LRRC4C: variants seen among roughly 807,000 people sequenced by gnomAD.
The protein encoded by LRRC4C is leucine rich repeat containing 4C, also known as leucine-rich repeat-containing protein 4C.
Under a neutral mutation model 33.6 loss-of-function variants are expected in LRRC4C, and 5 were observed. The ratio of observed to expected loss-of-function variants is 0.15; its 90% CI spans 0.08 to 0.31. LRRC4C has a LOEUF of 0.31. LRRC4C is among the 10% of genes least tolerant of loss of function. The pLI is 1.00. For synonymous variants in LRRC4C, 329 were observed against 302.0 expected (o/e 1.09, Z -0.93); for missense variants, 560 against 796.7 (o/e 0.70, Z 3.58).
chr11:40,401,030 T>C (rs1445166058), intron 3 of LRRC4C, among the ~76,000 whole-genome samples: 2 of 152,150 alleles, frequency 1.3e-5, no homozygotes, highest in African/African-American at 4.8e-5. Flanking sequence ...TAAATATTTA[T>C]TAAAAGGATG....
intron 2 of LRRC4C, among the ~76,000 whole-genome samples, chr11:40,807,093 T>C (rs1258828938): frequency 6.6e-6 from 1 of 152,174 alleles, no homozygotes; most frequent in Non-Finnish European, 1.5e-5. Context: ...GATATGGTTG[T>C]TTTCAAAATA....
At chr11:40,648,356 G>T (rs1942584519) in intron 2 of LRRC4C, 78 bp from the exon 3 acceptor site, 1 of 151,948 alleles carries the variant, frequency 6.6e-6, no homozygotes, top group African/African-American at 2.4e-5. Flanking sequence ...AACACCTAGA[G>T]CTCACACTAA....
chr11:41,345,714 T>C (rs1421443734), intron 1 of LRRC4C, among the ~76,000 whole-genome samples: 1 of 152,120 alleles, frequency 6.6e-6, no homozygotes, highest in Non-Finnish European at 1.5e-5. Context: ...TCCCATCGGA[T>C]CCAGCCCCTA....
chr11:41,076,760 C>T (rs1159916106), intron 1 of LRRC4C, among the ~76,000 whole-genome samples: 1 of 152,118 alleles, frequency 6.6e-6, no homozygotes, highest in Non-Finnish European at 1.5e-5. Flanking sequence ...TTTCAGCAGT[C>T]CCCCAAGGTC....
chr11:40,154,165 T>C (rs958972569), intron 5 of LRRC4C, among the ~76,000 whole-genome samples: 1 of 152,056 alleles, frequency 6.6e-6, no homozygotes, highest in Non-Finnish European at 1.5e-5. Context: ...AGCCAAGAAT[T>C]TTGTATCCAG....
intron 2 of LRRC4C, among the ~76,000 whole-genome samples, chr11:40,649,485 C>G (rs948761027): frequency 4.6e-5 from 7 of 152,098 alleles, no homozygotes; most frequent in Non-Finnish European, 7.3e-5. Flanking sequence ...GTTGTCTCCC[C>G]TTGTTCCCTG....
intron 3 of LRRC4C, among the ~76,000 whole-genome samples, chr11:40,486,896 C>G (rs1266181242): frequency 6.6e-6 from 1 of 151,962 alleles, no homozygotes; most frequent in African/African-American, 2.4e-5. Context: ...GAACCACTTC[C>G]TGGTTAATTT....
chr11:41,105,503 C>A (rs1941443403), intron 1 of LRRC4C, among the ~76,000 whole-genome samples: 1 of 151,982 alleles, frequency 6.6e-6, no homozygotes, highest in African/African-American at 2.4e-5. Flanking sequence ...TGTCTCTCCT[C>A]AGTGATTAGC....
intron 3 of LRRC4C, among the ~76,000 whole-genome samples, chr11:40,383,068 C>T (rs1265297953): frequency 1.3e-5 from 2 of 151,946 alleles, no homozygotes; most frequent in Non-Finnish European, 2.9e-5. Context: ...CTTTTCTCTG[C>T]TTCTATGAGT....
chr11:41,323,918 C>A (rs901466103), intron 1 of LRRC4C, among the ~76,000 whole-genome samples: 5 of 151,970 alleles, frequency 3.3e-5, no homozygotes, highest in Admixed American at 3.3e-4. Context: ...ATCTCTGAAC[C>A]AATCACAACA....
chr11:41,091,685 G>A (rs527369417), intron 1 of LRRC4C, among the ~76,000 whole-genome samples: 39 of 152,120 alleles, frequency 2.6e-4, no homozygotes, highest in Admixed American at 2.2e-3. Context: ...AGACATTCAC[G>A]TAATGAGATA....
In LRRC4C at chr11:40,915,028, A is replaced by G. The variant is rs1046997795; in HGVS notation, c.-407+18607T>C. On this transcript the variant is annotated intron_variant, in intron 2 of 6. Transcript: ENST00000528697. ...TCTTCAAGGAGAACTACAAACCACT[A>G]CTCAAAGAAATAAAAGAGGATATAA... Among the ~76,000 whole-genome samples the G allele has an allele frequency of 4.6e-5, 7 of 152,230 alleles. No individual in the cohort carries two copies. In the East Asian group the frequency reaches 1.2e-3, roughly 25 times the overall value.
intron 2 of LRRC4C, among the ~76,000 whole-genome samples, chr11:40,798,939 C>A (rs1424945617): frequency 6.6e-6 from 1 of 152,120 alleles, no homozygotes; most frequent in Non-Finnish European, 1.5e-5. Flanking sequence ...CCACCATGCT[C>A]TGCTGTATTA....
chr11:40,941,507 T>C (rs1473736680), intron 1 of LRRC4C, among the ~76,000 whole-genome samples: 1 of 152,146 alleles, frequency 6.6e-6, no homozygotes, highest in Non-Finnish European at 1.5e-5. Context: ...TAAATTAAGA[T>C]CATAAGCATG....
intron 6 of LRRC4C, among the ~76,000 whole-genome samples, chr11:40,135,731 T>G (rs1196972135): frequency 6.6e-6 from 1 of 152,226 alleles, no homozygotes; most frequent in Non-Finnish European, 1.5e-5. Flanking sequence ...AGCACGGGGC[T>G]GACAGTCCGA....
At chr11:40,385,136 A>C (rs1949052411) in intron 3 of LRRC4C, among the ~76,000 whole-genome samples, 1 of 152,140 alleles carries the variant, frequency 6.6e-6, no homozygotes, top group Non-Finnish European at 1.5e-5. Flanking sequence ...GCATCCACAG[A>C]GACAGGTTTC....
At chr11:40,781,503 C>G (rs544706573) in intron 2 of LRRC4C, among the ~76,000 whole-genome samples, 1 of 152,104 alleles carries the variant, frequency 6.6e-6, no homozygotes, top group Non-Finnish European at 1.5e-5. Context: ...TAGCCTTTAT[C>G]GGAAGTTTTA....
chr11:41,046,256 CCACAAGGTAAG>C (rs1367022268), intron 1 of LRRC4C, among the ~76,000 whole-genome samples: 2 of 152,112 alleles, frequency 1.3e-5, no homozygotes, highest in African/African-American at 4.8e-5. Flanking sequence ...CACAGCCATT[CCACAAGGTAAG>C]TATCATTGCC....
At chr11:40,739,033 G>A (rs942774994) in intron 2 of LRRC4C, among the ~76,000 whole-genome samples, 38 of 56,404 alleles carry the variant, frequency 6.7e-4, no homozygotes, top group East Asian at 2.9e-3. Flanking sequence ...GTGTGTATGT[G>A]TGTGTGTGTG....
Sources: gnomAD v4.1 joint callset for allele counts (sites outside exome capture counted in the v4.1 genomes callset) on GRCh38, gnomAD v4.1.1 for gene constraint, MANE v1.5 for transcripts, NCBI Gene and HGNC (gene_info 2026-07-23, HGNC 2026-07-21) for gene names.